Variants in GOLGA3 observed in about 807,000 individuals in gnomAD.
GOLGA3 encodes the protein golgin A3, also known as golgin subfamily A member 3.
GOLGA3 carries 75 observed loss-of-function variants against 169.4 expected under a neutral mutation model. The observed-to-expected ratio is 0.44, with a 90% CI of 0.37 to 0.54. The LOEUF (loss-of-function observed/expected upper bound fraction) is 0.54, where lower values mean the gene tolerates loss of function less well. GOLGA3 is among the 20% of genes least tolerant of loss of function. GOLGA3 has a pLI of 0.00. For missense variants in GOLGA3, 1,899 were observed against 1,930.0 expected (o/e 0.98, Z 0.30); for synonymous variants, 824 against 822.4 (o/e 1.00, Z -0.03).
intron 9 of GOLGA3, 79 bp downstream of exon 9, chr12:132,798,261 G>A (rs1948966614): frequency 1.5e-6 from 2 of 1,334,162 alleles, no homozygotes; most frequent in Non-Finnish European, 2.1e-6. Context: ...CAGAGAGACG[G>A]AACATGTAAG....
At chr12:132,796,797 C>T (rs1948864122) in intron 9 of GOLGA3, 97 bp from the exon 10 acceptor site, 2 of 1,187,616 alleles carry the variant, frequency 1.7e-6, no homozygotes, top group Middle Eastern at 2.0e-4. Context: ...ACCGCCCTGG[C>T]ATGGGCCCCA....
intron 11 of GOLGA3, among the ~76,000 whole-genome samples, chr12:132,794,782 A>G (rs769051157): frequency 1.3e-5 from 2 of 152,234 alleles, no homozygotes; most frequent in African/African-American, 2.4e-5. Flanking sequence ...GACCTGTCTG[A>G]GTGCCTCTTT....
chr12:132,791,658 G>A (rs2046240523), intron 11 of GOLGA3, among the ~76,000 whole-genome samples: 1 of 141,634 alleles, frequency 7.1e-6, no homozygotes, highest in South Asian at 2.4e-4. Context: ...TACACTGAGG[G>A]CTCCAAGAGG....
In GOLGA3 at chr12:132,791,050, CAAAAAAAAAAAAAAAAAAAAA is replaced by C. The variant is rs771719474; in HGVS notation, c.2547+145_2547+165del. ...TGGCTGACAGAGAGAGACTCCGTCT[CAAAAAAAAAAAAAAAAAAAAA>C]AAAAAAAAAAAAAAAATTTAAAGAG... is the stretch of plus-strand genomic sequence containing the variant. On this transcript the variant is annotated intron_variant, in intron 12 of 23. Coordinates refer to ENST00000450791, the MANE Select transcript of GOLGA3 (RefSeq NM_001389683.1). Among the ~76,000 whole-genome samples the C allele has an allele frequency of 1.5e-4, 8 of 52,650 alleles. No homozygotes were observed. The South Asian group carries it at 4.7e-3, about 31-fold the overall frequency. 34.5% of individuals were successfully genotyped at this position (52,650 alleles called of 152,430 possible). A position where few individuals can be genotyped will look rare whatever the true frequency, so the allele number is the denominator to read the frequency against.
Position 132,808,038 on chromosome 12 carries a change from A to G in GOLGA3, c.1031T>C (p.Met344Thr). 1.2e-6 allele frequency: 2 copies of G among 1,606,256 alleles called. No individual in the cohort carries two copies. Among genetic ancestry groups the G allele is most frequent in the Non-Finnish European group, 1.7e-6 (2 of 1,175,444 alleles). ...CGCAGGAATCTCCTGGCCGTTGACCATATAGGGGGTGTCCTGCGTGCCCAC... is the reference window on the plus strand; with the variant it reads ...CGCAGGAATCTCCTGGCCGTTGACCGTATAGGGGGTGTCCTGCGTGCCCAC... The part of the protein sequence containing the change: ...KTVGTQDTPY[M>T]VNGQEIPADT... Residue 344 changes from methionine (M) to threonine (T), a missense_variant, in exon 5 of 24, where the codon ATG becomes ACG. Transcript: ENST00000450791.
chr12:132,813,186 T>C, intron 4 of GOLGA3, 121 bp downstream of exon 4: 1 of 665,518 alleles, frequency 1.5e-6, no homozygotes, highest in South Asian at 1.7e-5. Flanking sequence ...AATGTGCTTG[T>C]TGCCCCTGAG....
chr12:132,825,387 T>C (rs1950370533), intron 1 of GOLGA3, among the ~76,000 whole-genome samples: 1 of 152,188 alleles, frequency 6.6e-6, no homozygotes, highest in African/African-American at 2.4e-5. Context: ...GCGAGATCCT[T>C]GAAGACAGAG....
At chr12:132,803,091 CAAA>C (rs201306486) in intron 7 of GOLGA3, among the ~76,000 whole-genome samples, 63 of 63,260 alleles carry the variant, frequency 1.0e-3, no homozygotes, top group Admixed American at 4.5e-3. Context: ...AACAAAACAA[CAAA>C]AAAAAACACT....
chr12:132,816,498 G>C, intron 3 of GOLGA3, 42 bp downstream of exon 3: 1 of 1,594,030 alleles, frequency 6.3e-7, no homozygotes, highest in East Asian at 2.2e-5. Flanking sequence ...GCTGAGCGAC[G>C]CGGACGTGGA....
At chr12:132,784,058 T>TG (rs1173115826) in intron 16 of GOLGA3, 106 bp downstream of exon 16, 1 of 1,557,376 alleles carries the variant, frequency 6.4e-7, no homozygotes. Context: ...GTAGCAACGC[T>TG]GGGCACACGG....
chr12:132,787,240 C>T (rs188951382), intron 13 of GOLGA3, among the ~76,000 whole-genome samples: 43 of 152,220 alleles, frequency 2.8e-4, no homozygotes, highest in Non-Finnish European at 4.7e-4. Context: ...GTGTGAGCCA[C>T]TGCACCCGGC....
Position 132,777,766 on chromosome 12 carries a change from G to C in GOLGA3, c.3622C>G (p.His1208Asp), listed in dbSNP as rs2045329319. ...AGCTCCAAGGAGGCCGCCTTGAAGT[G>C]GCGGCGGTTATGCCCGGCTTCCACC... ...AKVEAGHNRR[H>D]FKAASLELSE... is the part of the protein sequence containing the mutation. Residue 1208 changes from histidine (H) to aspartate (D), a missense_variant, in exon 19 of 24, where the codon CAC becomes GAC. By Grantham distance (81) the His-to-Asp change is moderately conservative. Transcript: ENST00000450791. The surrounding 1 kb of genome is among the most constrained non-coding windows in gnomAD (Gnocchi z 4.7). 1 of 1,613,710 alleles carries C rather than the reference G, an allele frequency of 6.2e-7. No individual in the cohort carries two copies. The highest frequency in any genetic ancestry group is 1.3e-5 in the African/African-American group (1 of 74,934).
At chr12:132,790,090 G>T (rs112695387) in intron 12 of GOLGA3, among the ~76,000 whole-genome samples, 1 of 151,684 alleles carries the variant, frequency 6.6e-6, no homozygotes, top group Non-Finnish European at 1.5e-5. Flanking sequence ...CCAGCACTTT[G>T]GGAGGCCAAG....
At chr12:132,806,132 C>G (rs1949387911) in intron 6 of GOLGA3, among the ~76,000 whole-genome samples, 1 of 152,210 alleles carries the variant, frequency 6.6e-6, no homozygotes, top group African/African-American at 2.4e-5. Context: ...ACACCCAAAG[C>G]AATTGAGGAA....
chr12:132,798,185 G>GA (rs1948957842), intron 9 of GOLGA3, among the ~76,000 whole-genome samples, 155 bp downstream of exon 9: 1 of 133,436 alleles, frequency 7.5e-6, no homozygotes, highest in South Asian at 2.8e-4. Context: ...GGGGTGGGGG[G>GA]GGGGTCCCAA....
intron 2 of GOLGA3, among the ~76,000 whole-genome samples, chr12:132,819,791 G>A (rs1440319173): frequency 2.0e-5 from 3 of 152,216 alleles, no homozygotes; most frequent in African/African-American, 7.2e-5. Flanking sequence ...TGTAATCCCA[G>A]CACTTTGGGA....
At chr12:132,824,824 T>G (rs181004136) in intron 1 of GOLGA3, among the ~76,000 whole-genome samples, 3 of 152,182 alleles carry the variant, frequency 2.0e-5, no homozygotes, top group Admixed American at 1.3e-4. Context: ...AAAATCACTT[T>G]CCAGGAAAAA....
At position 132,777,128 on chromosome 12, in the gene GOLGA3, C is replaced by T; in HGVS notation, c.3723-38G>A. 6.4e-7 allele frequency: 1 copy of T among 1,554,232 alleles called. No individual in the cohort carries two copies. Among genetic ancestry groups the T allele is most frequent in the Non-Finnish European group, 8.7e-7 (1 of 1,152,752 alleles). On this transcript the variant is annotated intron_variant, in intron 19 of 23. Transcript: ENST00000450791. This position sits in a 1 kb window ranked among gnomAD's most constrained non-coding sequence, Gnocchi z 4.7. ...AACAAGAAAGAAGGGAATCGCCACG[C>T]TCCTCCAGTGTGCTGTGCCCTCCCG...
chr12:132,807,383 C>T (rs1234949755), intron 5 of GOLGA3, 95 bp from the exon 6 acceptor site: 1 of 623,208 alleles, frequency 1.6e-6, no homozygotes, highest in Non-Finnish European at 2.7e-6. Flanking sequence ...CCCTGCTGCT[C>T]TCTCCCAATT....
Sources: gnomAD v4.1 joint callset for allele counts (sites outside exome capture counted in the v4.1 genomes callset) on GRCh38, gnomAD v4.1.1 for gene constraint, Gnocchi (gnomAD v3.1) non-coding constraint, MANE v1.5 for transcripts, NCBI Gene and HGNC (gene_info 2026-07-23, HGNC 2026-07-21) for gene names.